The following SCG5 variants were observed in gnomAD, a reference collection of about 807,000 sequenced individuals.
SCG5 encodes the protein secretogranin V.
A neutral mutation model predicts 25.7 loss-of-function variants in SCG5; 18 were observed. The ratio of observed to expected loss-of-function variants is 0.70; its 90% confidence interval spans 0.48 to 1.04. SCG5 has a LOEUF of 1.04. SCG5 is among the 50% of genes least tolerant of loss of function. SCG5 has a pLI of 0.00. For missense variants in SCG5, 206 were observed against 259.8 expected (o/e 0.79, Z 1.42); for synonymous variants, 101 against 91.7 (o/e 1.10, Z -0.58).
chr15:32,651,303 T>C (rs1327635385), intron 2 of SCG5, among the ~76,000 whole-genome samples: 1 of 152,240 alleles, frequency 6.6e-6, no homozygotes, highest in Non-Finnish European at 1.5e-5. Context: ...TCTTAATAAA[T>C]ATCAAGTGGA....
At chr15:32,684,495 T>G (rs2054669743) in intron 3 of SCG5, 62 bp from the exon 4 acceptor site, 1 of 1,066,738 alleles carries the variant, frequency 9.4e-7, no homozygotes, top group South Asian at 1.4e-5. Context: ...TTTTGATAAA[T>G]TAACTCTTAG....
At chr15:32,680,836 G>A (rs759143738) in intron 3 of SCG5, among the ~76,000 whole-genome samples, 2 of 152,226 alleles carry the variant, frequency 1.3e-5, no homozygotes, top group Non-Finnish European at 2.9e-5. Flanking sequence ...AGAATGGTGA[G>A]TGGGCTTCAC....
At chr15:32,679,194 T>C (rs1335660670) in intron 2 of SCG5, among the ~76,000 whole-genome samples, 2 of 25,422 alleles carry the variant, frequency 7.9e-5, no homozygotes, top group African/African-American at 1.8e-4. Flanking sequence ...TCCCATGCTC[T>C]TTTTTTTTTT....
chr15:32,696,211 G>A lies in SCG5; in HGVS notation c.544-303G>A, dbSNP rs187191089. ...CTGCTCACTGCAAGCTCCGCCTCCC[G>A]GGTTCACGCCATTCTCCTGCCTCAG... On this transcript the variant is annotated intron_variant, in intron 5 of 5. Transcript: ENST00000300175. Among the ~76,000 whole-genome samples the A allele has an allele frequency of 7.0e-4, 107 of 151,938 alleles. 1 individual carries two copies. The highest frequency in any genetic ancestry group is 3.7e-3 in the South Asian group (18 of 4,812).
At chr15:32,682,340 G>A (rs932225863) in intron 3 of SCG5, among the ~76,000 whole-genome samples, 1 of 152,170 alleles carries the variant, frequency 6.6e-6, no homozygotes, top group Non-Finnish European at 1.5e-5. Context: ...TTTGAGCCAA[G>A]AGATCTGACC....
At chr15:32,686,977 G>C (rs866372195) in intron 4 of SCG5, among the ~76,000 whole-genome samples, 2 of 152,180 alleles carry the variant, frequency 1.3e-5, no homozygotes, top group Non-Finnish European at 2.9e-5. Flanking sequence ...TGGGGTAGTA[G>C]CCACAGAGGA....
chr15:32,667,161 A>G (rs540346901), intron 2 of SCG5, among the ~76,000 whole-genome samples: 95 of 152,324 alleles, frequency 6.2e-4, no homozygotes, highest in African/African-American at 2.1e-3. Context: ...AGACTAGACA[A>G]TTTAAAATTA....
At chr15:32,679,689 G>C in intron 2 of SCG5, 77 bp from the exon 3 acceptor site, 1 of 1,493,386 alleles carries the variant, frequency 6.7e-7, no homozygotes, top group Non-Finnish European at 9.3e-7. Flanking sequence ...GGCTTTTCCT[G>C]TGTGATATGC....
At chr15:32,660,555 G>C (rs369359715) in intron 2 of SCG5, among the ~76,000 whole-genome samples, 1 of 152,330 alleles carries the variant, frequency 6.6e-6, no homozygotes, top group Admixed American at 6.5e-5. Flanking sequence ...AGCTCATTCA[G>C]CCAAGGAAAA....
intron 2 of SCG5, among the ~76,000 whole-genome samples, chr15:32,672,473 A>G (rs1345576963): frequency 6.6e-6 from 1 of 152,236 alleles, no homozygotes; most frequent in Non-Finnish European, 1.5e-5. Context: ...TCAGGTGCGA[A>G]GGAACCATGG....
At chr15:32,679,985 A>G (rs1447092346) in intron 3 of SCG5, 70 bp downstream of exon 3, 6 of 1,347,930 alleles carry the variant, frequency 4.5e-6, no homozygotes, top group Non-Finnish European at 5.2e-6. Flanking sequence ...TTCTAACATC[A>G]GCTACAAATA....
chr15:32,675,527 A>T (rs958777356), intron 2 of SCG5, among the ~76,000 whole-genome samples: 2 of 152,242 alleles, frequency 1.3e-5, no homozygotes, highest in African/African-American at 2.4e-5. Flanking sequence ...AATATATCTT[A>T]TTATGTACTA....
At chr15:32,670,705 A>T (rs1452862148) in intron 2 of SCG5, among the ~76,000 whole-genome samples, 1 of 152,210 alleles carries the variant, frequency 6.6e-6, no homozygotes, top group Non-Finnish European at 1.5e-5. Flanking sequence ...GTTTATGTGG[A>T]CATATTTTGT....
chr15:32,652,186 T>C lies in SCG5; in HGVS notation c.226+8368T>C, dbSNP rs1048143108. Among the ~76,000 whole-genome samples, 20 of 152,190 alleles carry C rather than the reference T, an allele frequency of 1.3e-4. No individual in the cohort carries two copies. The East Asian group carries it at 3.9e-3, about 29-fold the overall frequency. On this transcript the variant is annotated intron_variant, in intron 2 of 5. Transcript: ENST00000300175. ...ATGAAATAGTAAAAACCACTGGGTG[T>C]CAAGTGTTCACTGGGGGTAGCAACA...
At chr15:32,688,760 C>G (rs142145094) in intron 4 of SCG5, among the ~76,000 whole-genome samples, 3,733 of 152,072 alleles carry the variant, frequency 0.025, 175 homozygotes, top group African/African-American at 0.086. Context: ...AGATCGAGAC[C>G]ATCCTGGCTA....
chr15:32,661,346 G>C (rs1303209952), intron 2 of SCG5, among the ~76,000 whole-genome samples: 2 of 152,196 alleles, frequency 1.3e-5, no homozygotes, highest in Admixed American at 6.5e-5. Flanking sequence ...CAGGCCAGGT[G>C]CGGTGGCTCA....
At chr15:32,649,468 C>T (rs911238218) in intron 2 of SCG5, among the ~76,000 whole-genome samples, 2 of 152,134 alleles carry the variant, frequency 1.3e-5, no homozygotes, top group African/African-American at 2.4e-5. Flanking sequence ...GGTTTGTGCC[C>T]TTTGTACAGC....
At chr15:32,650,786 G>A (rs2054020476) in intron 2 of SCG5, among the ~76,000 whole-genome samples, 1 of 152,200 alleles carries the variant, frequency 6.6e-6, no homozygotes, top group Admixed American at 6.5e-5. Context: ...ACAGTTCTAG[G>A]CCACCAGCTA....
chr15:32,649,543 A>G (rs2054000332), intron 2 of SCG5, among the ~76,000 whole-genome samples: 1 of 152,190 alleles, frequency 6.6e-6, no homozygotes, highest in Admixed American at 6.5e-5. Flanking sequence ...GGCCAACTAG[A>G]CTAGAAGTTT....
Sources: allele counts gnomAD v4.1 joint callset (sites outside exome capture counted in the v4.1 genomes callset), GRCh38; gene constraint gnomAD v4.1.1; transcripts MANE v1.5; gene names NCBI Gene and HGNC (gene_info 2026-07-23, HGNC 2026-07-21).